NR2E3: variants seen among roughly 807,000 people sequenced by gnomAD.
The protein encoded by NR2E3 is nuclear receptor subfamily 2 group E member 3.
In NR2E3, 38 loss-of-function variants were observed where a neutral mutation model predicts 37.6. The observed-to-expected ratio is 1.01, with a 90% CI of 0.78 to 1.33. NR2E3 has a LOEUF of 1.33. Ranked by LOEUF, NR2E3 falls within the 40% of genes most tolerant of loss-of-function variation. NR2E3 has a pLI of 0.00. For synonymous variants in NR2E3, 235 were observed against 225.1 expected (o/e 1.04, Z -0.39); for missense variants, 562 against 558.7 (o/e 1.01, Z -0.06).
At chr15:71,814,265 C>T (rs1320015259) in intron 7 of NR2E3, 148 bp downstream of exon 7, 2 of 1,429,744 alleles carry the variant, frequency 1.4e-6, no homozygotes, top group Non-Finnish European at 1.8e-6. Context: ...GTCCCAGGCA[C>T]AGTGCCAGGC....
At position 71,814,127 on chromosome 15, in the gene NR2E3, G is replaced by C. The variant is rs368151968; in HGVS notation, c.1100+10G>C. 2 of 1,607,278 alleles carry C rather than the reference G, an allele frequency of 1.2e-6. No homozygotes were observed. Among genetic ancestry groups the C allele is most frequent in the Non-Finnish European group, 1.7e-6 (2 of 1,179,210 alleles). ...CCAGCCAGCCCGTGAGGTGACCTGAGCATGCGCCCACCCACTCATCTGTCC... is the reference window on the plus strand; with the variant it reads ...CCAGCCAGCCCGTGAGGTGACCTGACCATGCGCCCACCCACTCATCTGTCC... On this transcript the variant is annotated intron_variant, in intron 7 of 7. Transcript: ENST00000617575.
Position 71,811,917 on chromosome 15 carries a change from G to A in NR2E3, c.350-38G>A. 4 of 1,549,218 alleles carry A rather than the reference G, an allele frequency of 2.6e-6. No individual in the cohort carries two copies. The highest frequency in any genetic ancestry group is 3.5e-6 in the Non-Finnish European group (4 of 1,146,330). ...GGGAGGTGACAAGAAATGGGCAGCG[G>A]GACTGGCGTGTCGTCCTGACCCTTC... is the stretch of plus-strand genomic sequence containing the variant. On this transcript the variant is annotated intron_variant, in intron 3 of 7. Transcript: ENST00000617575. The surrounding 1 kb of genome is among the most constrained non-coding windows in gnomAD (Gnocchi z 5.6).
chr15:71,813,515 C>T lies in NR2E3; in HGVS notation c.874C>T (p.Arg292Trp), dbSNP rs368030775. The stretch of plus-strand genomic sequence containing the variant: ...CTCTGCTGCCGGTGGTGCCCAGGGC[C>T]GGCTCACGCTGGCCAGCATGGAGAC... ...EASAAGGAQG[R>W]LTLASMETRV... The change falls in exon 6 of 8, where the codon CGG becomes TGG. Residue 292 changes from arginine (R) to tryptophan (W), a missense_variant. Physicochemically the swap from Arg to Trp is moderately radical, Grantham distance 101. Transcript: ENST00000617575. The surrounding 1 kb of genome is among the most constrained non-coding windows in gnomAD (Gnocchi z 4.7). 27 of 1,613,052 alleles carry T rather than the reference C, an allele frequency of 1.7e-5. No individual in the cohort carries two copies. The highest frequency in any genetic ancestry group is 1.6e-4 in the Middle Eastern group (1 of 6,080).
chr15:71,815,176 A>C (rs754512969), intron 7 of NR2E3, among the ~76,000 whole-genome samples: 2 of 152,178 alleles, frequency 1.3e-5, no homozygotes, highest in Non-Finnish European at 2.9e-5. Context: ...GAGCCTCAGC[A>C]AGGTTGGAAC....
At position 71,811,814 on chromosome 15, in the gene NR2E3, C is replaced by T; in HGVS notation, c.294C>T (p.Asn98=). ...GMCPVDKAHR[N]QCQACRLKKC... The stretch of plus-strand genomic sequence containing the variant: ...GCCCCGTGGACAAGGCCCACCGCAA[C>T]CAGTGCCAGGCCTGCCGGCTGAAGA... The change falls in exon 3 of 8, where the codon AAC becomes AAT. Residue 98 remains asparagine (N), a synonymous_variant. Coordinates refer to ENST00000617575, the MANE Select transcript of NR2E3 (RefSeq NM_014249.4). This position sits in a 1 kb window ranked among gnomAD's most constrained non-coding sequence, Gnocchi z 5.6. The T allele has an allele frequency of 1.9e-6, 3 of 1,551,430 alleles. No homozygotes were observed. Among genetic ancestry groups the T allele is most frequent in the Non-Finnish European group, 2.6e-6 (3 of 1,147,060 alleles).
Position 71,812,426 on chromosome 15 carries a change from A to T in NR2E3, c.662A>T (p.His221Leu). ...TCCCCCTGCGGCCTGGACAGCATCC[A>T]TGAGACCTCGGCTCGCCTACTCTTC... ...SSSPCGLDSI[H>L]ETSARLLFMA... Residue 221 changes from histidine to leucine, a missense_variant, in exon 5 of 8, where the codon CAT becomes CTT. Transcript: ENST00000617575. 6.2e-7 allele frequency: 1 copy of T among 1,613,944 alleles called. No individual in the cohort carries two copies. The highest frequency in any genetic ancestry group is 2.2e-5 in the East Asian group (1 of 44,868).
Position 71,811,386 on chromosome 15 carries a change from C to A in NR2E3, c.119-97C>A. 1 of 1,185,784 alleles carries A rather than the reference C, an allele frequency of 8.4e-7. No homozygotes were observed. The highest frequency in any genetic ancestry group is 1.2e-6 in the Non-Finnish European group (1 of 841,872). 73.5% of individuals were successfully genotyped at this position (1,185,784 alleles called of 1,614,324 possible). On this transcript the variant is annotated intron_variant, in intron 1 of 7. Transcript: ENST00000617575. The surrounding 1 kb of genome is among the most constrained non-coding windows in gnomAD (Gnocchi z 5.6). ...TCGTTCAAATGCGGGTGAGCGGGGC[C>A]TGAGGACTGGGAAAGGGACCCGAGG...
Position 71,811,816 on chromosome 15 carries a change from A to T in NR2E3, c.296A>T (p.Gln99Leu), listed in dbSNP as rs1392027026. The change falls in exon 3 of 8, where the codon CAG becomes CTG. Residue 99 changes from glutamine to leucine, a missense_variant. Gln to Leu is a moderately radical substitution (Grantham distance 113). Coordinates refer to ENST00000617575, the MANE Select transcript of NR2E3 (RefSeq NM_014249.4). The surrounding 1 kb of genome is among the most constrained non-coding windows in gnomAD (Gnocchi z 5.6). ...CCCGTGGACAAGGCCCACCGCAACC[A>T]GTGCCAGGCCTGCCGGCTGAAGAAG... ...MCPVDKAHRN[Q>L]CQACRLKKCL... is the part of the protein sequence containing the mutation. The T allele has an allele frequency of 7.1e-6, 11 of 1,551,412 alleles. No individual in the cohort carries two copies. Among genetic ancestry groups the T allele is most frequent in the Non-Finnish European group, 9.6e-6 (11 of 1,147,046 alleles).
chr15:71,812,619 C>T (rs1025680398), intron 5 of NR2E3, 108 bp downstream of exon 5: 11 of 959,300 alleles, frequency 1.1e-5, no homozygotes, highest in African/African-American at 1.7e-5. Context: ...TGAATGCACA[C>T]AGCTTGGATG....
intron 7 of NR2E3, chr15:71,814,417 C>T (rs1373491657): frequency 3.5e-6 from 4 of 1,148,002 alleles, no homozygotes; most frequent in Non-Finnish European, 4.3e-6. Flanking sequence ...GATCCCCTTG[C>T]ATGGGAAACA....
rs958455222 is a variant in NR2E3 at position 71,811,976 on chromosome 15, C to G, written c.371C>G (p.Pro124Arg). Residue 124 changes from proline to arginine, a missense_variant, in exon 4 of 8, where the codon CCG (proline) becomes CGG (arginine). Coordinates refer to ENST00000617575, the MANE Select transcript of NR2E3 (RefSeq NM_014249.4). This position sits in a 1 kb window ranked among gnomAD's most constrained non-coding sequence, Gnocchi z 5.6. ...NQDAVQNERQ[P>R]RSTAQVHLDS... ...CCAGCCGTGCAGAACGAGCGCCAGC[C>G]GCGAAGCACAGCCCAGGTCCACCTG... The G allele has an allele frequency of 1.3e-6, 2 of 1,552,258 alleles. No homozygotes were observed. Among genetic ancestry groups the G allele is most frequent in the Non-Finnish European group, 1.7e-6 (2 of 1,147,848 alleles).
intron 7 of NR2E3, among the ~76,000 whole-genome samples, chr15:71,816,013 C>G (rs999355070): frequency 2.0e-5 from 3 of 152,164 alleles, no homozygotes; most frequent in Non-Finnish European, 4.4e-5. Context: ...TCACTTGGCA[C>G]TAGCAAGAGA....
rs2054206321 is a variant in NR2E3 at position 71,813,800 on chromosome 15, T to C, written c.994+165T>C. Reference sequence around the variant, plus strand: ...ACTCCCTTCTCCTTGGGGCCACTCCTGGTTGACTGTGAGGGGACAGGGCAG... The same window carrying C: ...ACTCCCTTCTCCTTGGGGCCACTCCCGGTTGACTGTGAGGGGACAGGGCAG... On this transcript the variant is annotated intron_variant, in intron 6 of 7. Coordinates refer to ENST00000617575, the MANE Select transcript of NR2E3 (RefSeq NM_014249.4). The surrounding 1 kb of genome is among the most constrained non-coding windows in gnomAD (Gnocchi z 4.7). Among the ~76,000 whole-genome samples the C allele has an allele frequency of 6.6e-6, 1 of 152,066 alleles. No individual in the cohort carries two copies. Among genetic ancestry groups the C allele is most frequent in the Non-Finnish European group, 1.5e-5 (1 of 67,976 alleles).
intron 7 of NR2E3, chr15:71,817,318 T>C (rs948312297): frequency 1.3e-5 from 4 of 312,844 alleles, no homozygotes; most frequent in African/African-American, 4.2e-5. Flanking sequence ...CAGGATGGTC[T>C]CGATCTCCTG....
chr15:71,811,625 CCT>C lies in NR2E3; in HGVS notation c.245+17_245+18del. ...TCATCTACAGGTGAGTGCGGTGGGC[CCT>C]GCTGGGCGTCTGCCCCTGAGGGGTT... On this transcript the variant is annotated intron_variant, in intron 2 of 7. Coordinates refer to ENST00000617575, the MANE Select transcript of NR2E3 (RefSeq NM_014249.4). The surrounding 1 kb of genome is among the most constrained non-coding windows in gnomAD (Gnocchi z 5.6). 6.2e-7 allele frequency: 1 copy of C among 1,600,590 alleles called. No homozygotes were observed. The highest frequency in any genetic ancestry group is 8.5e-7 in the Non-Finnish European group (1 of 1,174,150).
rs1437041866 is a variant in NR2E3 at position 71,813,990 on chromosome 15, C to T, written c.995-22C>T. 3 of 1,603,784 alleles carry T rather than the reference C, an allele frequency of 1.9e-6. No individual in the cohort carries two copies. In the South Asian group the frequency reaches 3.4e-5, roughly 18 times the overall value. Reference sequence around the variant, plus strand: ...AACAGCCGTAAACCTGTGCTAAGCTCACTGGTGCTGCTTCTCCCCAGAGAC... The same window carrying T: ...AACAGCCGTAAACCTGTGCTAAGCTTACTGGTGCTGCTTCTCCCCAGAGAC... On this transcript the variant is annotated intron_variant, in intron 6 of 7. Transcript: ENST00000617575. This position sits in a 1 kb window ranked among gnomAD's most constrained non-coding sequence, Gnocchi z 4.7.
chr15:71,812,036 A>G lies in NR2E3; in HGVS notation c.431A>G (p.Glu144Gly). The change falls in exon 4 of 8, where the codon GAG (glutamate) becomes GGG (glycine). Residue 144 changes from glutamate to glycine, a missense_variant. Transcript: ENST00000617575. ...GAGTCCAACACTGAGTCCCGGCCGG[A>G]GTCCCTGGTGGCTCCCCCGGCCCCG... The part of the protein sequence containing the change: ...SMESNTESRP[E>G]SLVAPPAPAG... 1.3e-6 allele frequency: 2 copies of G among 1,554,264 alleles called. No individual in the cohort carries two copies. Among genetic ancestry groups the G allele is most frequent in the Non-Finnish European group, 1.7e-6 (2 of 1,149,110 alleles).
chr15:71,814,906 G>C (rs959914894), intron 7 of NR2E3: 1 of 985,318 alleles, frequency 1.0e-6, no homozygotes, highest in Non-Finnish European at 1.2e-6. Flanking sequence ...TGAAGGTAAG[G>C]AATGAGGGAA....
Position 71,811,558 on chromosome 15 carries a change from A to ACGGCTG in NR2E3, c.196_201dup (p.Gly66_Cys67dup). The ACGGCTG allele has an allele frequency of 6.2e-7, 1 of 1,600,742 alleles. No individual in the cohort carries two copies. Among genetic ancestry groups the ACGGCTG allele is most frequent in the Non-Finnish European group, 8.5e-7 (1 of 1,174,288 alleles). ...AAGCACTATGGCATCTATGCCTGCA[A>ACGGCTG]CGGCTGCAGCGGCTTCTTCAAGAGG... On this transcript the variant is annotated inframe_insertion, in exon 2 of 8. Transcript: ENST00000617575. The surrounding 1 kb of genome is among the most constrained non-coding windows in gnomAD (Gnocchi z 5.6).
Sources: gnomAD v4.1 joint callset for allele counts (sites outside exome capture counted in the v4.1 genomes callset) on GRCh38, gnomAD v4.1.1 for gene constraint, Gnocchi (gnomAD v3.1) non-coding constraint, MANE v1.5 for transcripts, NCBI Gene and HGNC (gene_info 2026-07-23, HGNC 2026-07-21) for gene names.